The following GRM8 variants were observed in gnomAD, a reference collection of about 807,000 sequenced individuals.
GRM8 encodes metabotropic glutamate receptor 8.
Under a neutral mutation model 87.2 loss-of-function variants are expected in GRM8, and 47 were observed. The observed-to-expected ratio is 0.54, with a 90% CI of 0.43 to 0.69. The LOEUF is 0.69. Among genes scored for constraint, GRM8 ranks in the 30% least tolerant of loss-of-function variants. GRM8 has a pLI of 0.00. For synonymous variants in GRM8, 396 were observed against 404.5 expected (o/e 0.98, Z 0.25); for missense variants, 1,019 against 1,139.2 (o/e 0.89, Z 1.52).
chr7:126,723,719 T>C (rs1812676730), intron 7 of GRM8, among the ~76,000 whole-genome samples: 1 of 152,162 alleles, frequency 6.6e-6, no homozygotes, highest in African/African-American at 2.4e-5. Flanking sequence ...TAGAGAACTT[T>C]GAAACTCCAA....
At chr7:126,844,947 C>T (rs531213855) in intron 6 of GRM8, among the ~76,000 whole-genome samples, 28 of 152,194 alleles carry the variant, frequency 1.8e-4, no homozygotes, top group African/African-American at 2.6e-4. Flanking sequence ...TGAGAGAGGG[C>T]GGAATTTAGT....
At chr7:127,069,134 A>T (rs1586908997) in intron 3 of GRM8, among the ~76,000 whole-genome samples, 1 of 152,128 alleles carries the variant, frequency 6.6e-6, no homozygotes, top group Admixed American at 6.6e-5. Context: ...GCCAGTACAC[A>T]TTGTTGTCTC....
At chr7:126,786,856 T>C (rs1820676389) in intron 6 of GRM8, among the ~76,000 whole-genome samples, 1 of 152,230 alleles carries the variant, frequency 6.6e-6, no homozygotes, top group Non-Finnish European at 1.5e-5. Flanking sequence ...GAAGATCTGA[T>C]TAATCTGACA....
chr7:126,764,013 C>G (rs1170144898), intron 7 of GRM8, among the ~76,000 whole-genome samples: 1 of 151,804 alleles, frequency 6.6e-6, no homozygotes, highest in Non-Finnish European at 1.5e-5. Context: ...TTCCAGTTCC[C>G]ATGTATTAAC....
At chr7:127,237,807 C>T (rs927149987) in intron 2 of GRM8, among the ~76,000 whole-genome samples, 2 of 152,170 alleles carry the variant, frequency 1.3e-5, no homozygotes, top group African/African-American at 4.8e-5. Flanking sequence ...CCTCTTACAA[C>T]CCAGTGCATC....
chr7:127,156,764 G>C (rs1420549400), intron 2 of GRM8, among the ~76,000 whole-genome samples: 1 of 152,038 alleles, frequency 6.6e-6, no homozygotes, highest in Non-Finnish European at 1.5e-5. Flanking sequence ...GTTAAAATAA[G>C]CAAAATAAAT....
chr7:126,639,210 C>G (rs534434529), intron 7 of GRM8, among the ~76,000 whole-genome samples: 1 of 152,312 alleles, frequency 6.6e-6, no homozygotes, highest in East Asian at 1.9e-4. Flanking sequence ...TTGCTTGCAT[C>G]TCTCTTTAGG....
chr7:127,046,899 A>G (rs1186139761), intron 3 of GRM8, among the ~76,000 whole-genome samples: 1 of 152,046 alleles, frequency 6.6e-6, no homozygotes, highest in African/African-American at 2.4e-5. Context: ...CACCTTTACT[A>G]TTTATGTTTG....
chr7:127,057,344 A>G (rs1448979933), intron 3 of GRM8, among the ~76,000 whole-genome samples: 1 of 152,228 alleles, frequency 6.6e-6, no homozygotes, highest in African/African-American at 2.4e-5. Flanking sequence ...CAAGTTCATG[A>G]GTAGAGTCTA....
intron 8 of GRM8, among the ~76,000 whole-genome samples, chr7:126,534,600 C>T (rs1815391726): frequency 6.6e-6 from 1 of 152,096 alleles, no homozygotes; most frequent in Non-Finnish European, 1.5e-5. Flanking sequence ...ATGAGATTTT[C>T]CCCACTTTGC....
chr7:127,108,235 C>T (rs1826002703), intron 2 of GRM8, among the ~76,000 whole-genome samples: 1 of 152,194 alleles, frequency 6.6e-6, no homozygotes, highest in Admixed American at 6.5e-5. Context: ...AAATCTCAAA[C>T]CACACACCAA....
chr7:126,489,372 C>T (rs995656370), intron 9 of GRM8, among the ~76,000 whole-genome samples: 1 of 152,020 alleles, frequency 6.6e-6, no homozygotes, highest in Non-Finnish European at 1.5e-5. Flanking sequence ...ACTAAAGACA[C>T]ACAATGGAGA....
At chr7:126,491,122 G>A (rs946917775) in intron 9 of GRM8, among the ~76,000 whole-genome samples, 3 of 152,032 alleles carry the variant, frequency 2.0e-5, no homozygotes, top group African/African-American at 7.2e-5. Context: ...CCACCATGAT[G>A]TCTGAGGTTG....
chr7:126,883,258 T>A (rs1462912328), intron 6 of GRM8, among the ~76,000 whole-genome samples: 1 of 152,176 alleles, frequency 6.6e-6, no homozygotes, highest in African/African-American at 2.4e-5. Context: ...CACCCTGAAT[T>A]TACAAGAGAA....
At chr7:126,824,442 G>C (rs1794580105) in intron 6 of GRM8, among the ~76,000 whole-genome samples, 1 of 152,214 alleles carries the variant, frequency 6.6e-6, no homozygotes, top group Non-Finnish European at 1.5e-5. Flanking sequence ...GAAGTCATTA[G>C]TGTCTAATAA....
chr7:126,927,651 T>A (rs971434771), intron 3 of GRM8, among the ~76,000 whole-genome samples: 52 of 152,044 alleles, frequency 3.4e-4, no homozygotes, highest in African/African-American at 1.2e-3. Flanking sequence ...GAAATGCAAA[T>A]CAAAACCACA....
At chr7:126,806,611 T>C (rs1373332301) in intron 6 of GRM8, among the ~76,000 whole-genome samples, 1 of 152,238 alleles carries the variant, frequency 6.6e-6, no homozygotes, top group African/African-American at 2.4e-5. Context: ...TGCTGATTGG[T>C]ACGTTTACAA....
At chr7:126,719,294 A>G (rs1812111623) in intron 7 of GRM8, among the ~76,000 whole-genome samples, 1 of 152,262 alleles carries the variant, frequency 6.6e-6, no homozygotes, top group African/African-American at 2.4e-5. Context: ...TGAGTGATAT[A>G]AAAGGATATT....
In GRM8 at chr7:127,125,801, A is replaced by ACACACACACAC. The variant is rs1563529799; in HGVS notation, c.511-19090_511-19089insGTGTGTGTGTG. On this transcript the variant is annotated intron_variant, in intron 2 of 10. Coordinates refer to ENST00000339582, the MANE Select transcript of GRM8 (RefSeq NM_000845.3). ...ACACACACACACACACACACACACAAATAACTATTAAAAAGTGAGCAAAAG... is the reference window on the plus strand; with the variant it reads ...ACACACACACACACACACACACACAACACACACACACATAACTATTAAAAAGTGAGCAAAAG... 4.4e-5 allele frequency among the ~76,000 whole-genome samples: 3 copies of ACACACACACAC among 68,746 alleles called. No homozygotes were observed. The South Asian group carries it at 1.3e-3, about 30-fold the overall frequency. 45.1% of individuals were successfully genotyped at this position (68,746 alleles called of 152,430 possible).
Sources: allele counts gnomAD v4.1 joint callset (sites outside exome capture counted in the v4.1 genomes callset), GRCh38; gene constraint gnomAD v4.1.1; transcripts MANE v1.5; gene names NCBI Gene and HGNC (gene_info 2026-07-23, HGNC 2026-07-21).